The following PCDHA8 variants were observed in gnomAD, a reference collection of about 807,000 sequenced individuals.
The protein encoded by PCDHA8 is protocadherin alpha-8.
PCDHA8 carries 53 observed loss-of-function variants against 61.8 expected under a neutral mutation model. That is an observed-to-expected ratio of 0.86 (90% CI 0.69 to 1.08). PCDHA8 has a LOEUF of 1.08. PCDHA8 is among the 50% of genes least tolerant of loss of function. The pLI is 0.00. For missense variants in PCDHA8, 1,293 were observed against 1,245.0 expected (o/e 1.04, Z -0.58); for synonymous variants, 618 against 556.6 (o/e 1.11, Z -1.55).
In PCDHA8 at chr5:140,967,564, A is replaced by G. The variant is rs1554229677; in HGVS notation, c.2395-11385A>G. Reference sequence around the variant, plus strand: ...ACCAGTCCACTTATCGCGTCCAGCTACGGGAGGACTCACCCCCAGGCACAT... The same window carrying G: ...ACCAGTCCACTTATCGCGTCCAGCTGCGGGAGGACTCACCCCCAGGCACAT... On this transcript the variant is annotated intron_variant, in intron 1 of 3. Coordinates refer to ENST00000531613, the MANE Select transcript of PCDHA8 (RefSeq NM_018911.3). 10 of 1,614,070 alleles carry G rather than the reference A, an allele frequency of 6.2e-6. No individual in the cohort carries two copies. The Middle Eastern group carries it at 4.9e-4, about 80-fold the overall frequency.
intron 1 of PCDHA8, chr5:140,926,630 C>T (rs754707244): frequency 6.0e-5 from 25 of 417,902 alleles, no homozygotes; most frequent in Non-Finnish European, 3.3e-5. Context: ...CGGCGCTGCG[C>T]TCCTCAACAC....
At chr5:140,994,394 T>G (rs1332946220) in intron 3 of PCDHA8, among the ~76,000 whole-genome samples, 3 of 152,110 alleles carry the variant, frequency 2.0e-5, no homozygotes, top group African/African-American at 7.2e-5. Flanking sequence ...AGTCAGAGAT[T>G]ATTTGACATT....
At chr5:140,967,051 G>T in intron 1 of PCDHA8, 12 of 1,612,562 alleles carry the variant, frequency 7.4e-6, no homozygotes, top group Non-Finnish European at 9.3e-6. Context: ...TGGACCTGAC[G>T]AGTGGAGCGC....
In PCDHA8 at chr5:140,849,990, T is replaced by C. The variant is rs2150462015; in HGVS notation, c.2394+6275T>C. On this transcript the variant is annotated intron_variant, in intron 1 of 3. Coordinates refer to ENST00000531613, the MANE Select transcript of PCDHA8 (RefSeq NM_018911.3). ...GTCCTACTCGCTGGTGGAGCGGCGG[T>C]TGGGCGAGCGCTCGCTGTCGAGCTA... 88 of 1,596,734 alleles carry C rather than the reference T, an allele frequency of 5.5e-5. 7 individuals carry two copies. Among genetic ancestry groups the C allele is most frequent in the Non-Finnish European group, 6.9e-5 (80 of 1,167,720 alleles).
chr5:140,858,834 A>T, intron 1 of PCDHA8: 1 of 322,932 alleles, frequency 3.1e-6, no homozygotes, highest in Non-Finnish European at 5.8e-6. Context: ...CATTACCAAA[A>T]AATTCCACTG....
rs190398483 is a variant in PCDHA8 at position 140,849,974 on chromosome 5, G to T, written c.2394+6259G>T. The T allele has an allele frequency of 6.3e-6, 10 of 1,597,556 alleles. 1 individual carries two copies. Among genetic ancestry groups the T allele is most frequent in the Admixed American group, 5.1e-5 (3 of 59,294 alleles). On this transcript the variant is annotated intron_variant, in intron 1 of 3. Coordinates refer to ENST00000531613, the MANE Select transcript of PCDHA8 (RefSeq NM_018911.3). ...AGGAGAACGCCCTGGTGTCCTACTC[G>T]CTGGTGGAGCGGCGGTTGGGCGAGC...
chr5:140,989,696 T>G (rs1554251011), intron 3 of PCDHA8, among the ~76,000 whole-genome samples: 1 of 152,216 alleles, frequency 6.6e-6, no homozygotes, highest in African/African-American at 2.4e-5. Flanking sequence ...CGTGAAAATT[T>G]TATCTTCAGA....
At chr5:140,854,210 T>C in intron 1 of PCDHA8, 2 of 643,974 alleles carry the variant, frequency 3.1e-6, no homozygotes, top group Non-Finnish European at 3.8e-6. Context: ...TTTTATTCAA[T>C]ATTGGACATC....
chr5:140,871,527 G>A (rs537927360), intron 1 of PCDHA8: 3 of 1,531,844 alleles, frequency 2.0e-6, no homozygotes, highest in African/African-American at 2.8e-5. Context: ...CTATCAGGAA[G>A]TGTATGTGAA....
At chr5:140,968,659 C>A (rs781863651) in intron 1 of PCDHA8, 6 of 1,614,160 alleles carry the variant, frequency 3.7e-6, no homozygotes, top group East Asian at 2.2e-5. Context: ...CTGACCTGGA[C>A]CTCTTTAAGG....
chr5:140,869,086 A>G (rs1554162467), intron 1 of PCDHA8: 1 of 1,584,176 alleles, frequency 6.3e-7, no homozygotes, highest in African/African-American at 1.4e-5. Context: ...CTTATTTTGG[A>G]AGCCAATTTC....
intron 1 of PCDHA8, among the ~76,000 whole-genome samples, chr5:140,893,358 C>A (rs1385049897): frequency 2.0e-5 from 3 of 152,134 alleles, no homozygotes; most frequent in Admixed American, 6.5e-5. Context: ...AATTTACATG[C>A]CCACCAACAG....
intron 1 of PCDHA8, among the ~76,000 whole-genome samples, chr5:140,912,895 A>G (rs781884731): frequency 4.6e-5 from 7 of 152,212 alleles, no homozygotes; most frequent in Non-Finnish European, 1.0e-4. Context: ...TGTTGATATG[A>G]TGTATCATAT....
chr5:141,005,821 C>T (rs557161446), intron 3 of PCDHA8, among the ~76,000 whole-genome samples: 1 of 150,884 alleles, frequency 6.6e-6, no homozygotes, highest in African/African-American at 2.4e-5. Context: ...GGTATGGTGG[C>T]CTGTAGTCCC....
chr5:140,969,286 T>C (rs2096315830), intron 1 of PCDHA8: 3 of 1,614,076 alleles, frequency 1.9e-6, no homozygotes, highest in Admixed American at 1.7e-5. Flanking sequence ...GTCAGAATGC[T>C]GGGAACCTGA....
rs1554139288 is a variant in PCDHA8, at chr5:140,842,702, A to G, written c.1381A>G (p.Thr461Ala). ...TCCGGCGTTCGCGCAGCCCGAGTACACGGTGTTCGTGAAGGAGAACAACCC... is the reference window on the plus strand; with the variant it reads ...TCCGGCGTTCGCGCAGCCCGAGTACGCGGTGTTCGTGAAGGAGAACAACCC... ...NAPAFAQPEY[T>A]VFVKENNPPG... Residue 461 changes from threonine (T) to alanine (A), a missense_variant, in exon 1 of 4, where the codon ACG becomes GCG. Coordinates refer to ENST00000531613, the MANE Select transcript of PCDHA8 (RefSeq NM_018911.3). 2.5e-6 allele frequency: 4 copies of G among 1,595,028 alleles called. No individual in the cohort carries two copies. The highest frequency in any genetic ancestry group is 1.7e-6 in the Non-Finnish European group (2 of 1,165,484).
chr5:140,922,098 A>G (rs1193331436), intron 1 of PCDHA8, among the ~76,000 whole-genome samples: 2 of 152,176 alleles, frequency 1.3e-5, no homozygotes, highest in Non-Finnish European at 2.9e-5. Context: ...TCTACCAACT[A>G]TAGATAAATG....
At chr5:140,984,307 G>T (rs2153833813) in intron 3 of PCDHA8, among the ~76,000 whole-genome samples, 1 of 152,288 alleles carries the variant, frequency 6.6e-6, no homozygotes, top group Non-Finnish European at 1.5e-5. Context: ...GCTGGTTGGT[G>T]TGTATTCCTA....
chr5:141,003,254 G>A (rs782245010), intron 3 of PCDHA8, among the ~76,000 whole-genome samples: 17 of 152,190 alleles, frequency 1.1e-4, no homozygotes, highest in Non-Finnish European at 2.1e-4. Flanking sequence ...AAGATTCCTG[G>A]GCAGTGCCTA....
Sources: allele counts gnomAD v4.1 joint callset (sites outside exome capture counted in the v4.1 genomes callset), GRCh38; gene constraint gnomAD v4.1.1; transcripts MANE v1.5; gene names NCBI Gene and HGNC (gene_info 2026-07-23, HGNC 2026-07-21).